The following CDH12 variants were observed in gnomAD, a reference collection of about 807,000 sequenced individuals.
CDH12 encodes the protein cadherin-12.
In CDH12, 41 loss-of-function variants were observed where a neutral mutation model predicts 74.1. The observed-to-expected ratio is 0.55, with a 90% confidence interval of 0.43 to 0.72. The LOEUF is 0.72. Ranked by LOEUF, CDH12 falls within the 30% of genes least tolerant of loss-of-function variation. CDH12 has a pLI of 0.00. For synonymous variants in CDH12, 399 were observed against 355.0 expected, an observed-to-expected ratio of 1.12 and a Z score of -1.39; for missense variants, 945 against 977.2, an observed-to-expected ratio of 0.97 and a Z score of 0.44.
intron 13 of CDH12, among the ~76,000 whole-genome samples, chr5:21,757,220 G>C (rs926009667): frequency 2.0e-5 from 3 of 152,036 alleles, no homozygotes; most frequent in African/African-American, 7.3e-5. Flanking sequence ...CTGTCGCCCA[G>C]GCTGGAGTAC....
intron 2 of CDH12, among the ~76,000 whole-genome samples, chr5:22,405,631 A>G (rs560015488): frequency 9.2e-5 from 14 of 152,322 alleles, no homozygotes; most frequent in Middle Eastern, 6.8e-3. Context: ...AATGGTTTAA[A>G]CAATAAATTT....
chr5:22,657,360 G>A (rs543545633), intron 1 of CDH12, among the ~76,000 whole-genome samples: 4 of 151,876 alleles, frequency 2.6e-5, no homozygotes, highest in African/African-American at 9.7e-5. Context: ...AAATCATCAG[G>A]GCTTCATTTA....
chr5:22,240,750 T>G (rs1752720264), intron 3 of CDH12, among the ~76,000 whole-genome samples: 1 of 152,050 alleles, frequency 6.6e-6, no homozygotes, highest in Non-Finnish European at 1.5e-5. Context: ...ACCAGGCTGG[T>G]CTCAAACTCC....
chr5:22,655,611 A>G (rs972211282), intron 1 of CDH12, among the ~76,000 whole-genome samples: 2 of 152,196 alleles, frequency 1.3e-5, no homozygotes, highest in African/African-American at 4.8e-5. Context: ...ACATAACATT[A>G]TTTTAAATAC....
At chr5:22,724,715 A>G (rs1744074368) in intron 1 of CDH12, among the ~76,000 whole-genome samples, 2 of 151,898 alleles carry the variant, frequency 1.3e-5, no homozygotes, top group African/African-American at 4.8e-5. Context: ...TGTTAAAGAT[A>G]TTGTTTTAAA....
chr5:22,286,473 G>A (rs1429303579), intron 3 of CDH12, among the ~76,000 whole-genome samples: 1 of 152,148 alleles, frequency 6.6e-6, no homozygotes, highest in East Asian at 1.9e-4. Flanking sequence ...TTAAAGGACA[G>A]CAGAGTCGGG....
At chr5:21,921,905 C>T (rs930354290) in intron 6 of CDH12, among the ~76,000 whole-genome samples, 1 of 152,172 alleles carries the variant, frequency 6.6e-6, no homozygotes, top group African/African-American at 2.4e-5. Context: ...CATTTCTTTG[C>T]ATTGCCTCAA....
At chr5:22,680,647 T>G (rs1741441099) in intron 1 of CDH12, among the ~76,000 whole-genome samples, 2 of 152,086 alleles carry the variant, frequency 1.3e-5, no homozygotes, top group Non-Finnish European at 1.5e-5. Context: ...GACAACCATA[T>G]TTGTATTATA....
intron 1 of CDH12, among the ~76,000 whole-genome samples, chr5:22,613,345 CCTT>C (rs1197363528): frequency 4.6e-5 from 7 of 151,878 alleles, no homozygotes; most frequent in African/African-American, 2.4e-5. Flanking sequence ...TTTAATGTGT[CCTT>C]ATTTAATCTT....
intron 4 of CDH12, among the ~76,000 whole-genome samples, chr5:22,138,845 AATATATATATATAT>A (rs67115449): frequency 0.012 from 902 of 76,584 alleles, 52 homozygotes; most frequent in African/African-American, 0.037. Context: ...ATATATACGT[AATATATATATATAT>A]ATATATATAT....
intron 1 of CDH12, among the ~76,000 whole-genome samples, chr5:22,553,714 G>C (rs532937894): frequency 2.6e-5 from 4 of 152,100 alleles, no homozygotes; most frequent in Non-Finnish European, 5.9e-5. Context: ...TTGATCTACA[G>C]CAGCAGTCCC....
At position 22,092,579 on chromosome 5, in the gene CDH12, A is replaced by T. The variant is rs115878682; in HGVS notation, c.-186-13717T>A. Among the ~76,000 whole-genome samples, 870 of 152,274 alleles carry T rather than the reference A, an allele frequency of 5.7e-3. 8 individuals carry two copies. Among genetic ancestry groups the T allele is most frequent in the African/African-American group, 0.02 (832 of 41,560 alleles). ...ACCACAGTGAAGATGGCTATAATAG[A>T]AAAATAACATAGTAACAAATGTTGA... On this transcript the variant is annotated intron_variant, in intron 4 of 14. Coordinates refer to ENST00000382254, the MANE Select transcript of CDH12 (RefSeq NM_004061.5).
At chr5:22,110,735 A>G (rs1215129034) in intron 4 of CDH12, among the ~76,000 whole-genome samples, 1 of 152,156 alleles carries the variant, frequency 6.6e-6, no homozygotes, top group Non-Finnish European at 1.5e-5. Context: ...GACCTTGGGA[A>G]TAATGTTTGG....
At chr5:21,776,773 G>A (rs1745612932) in intron 11 of CDH12, among the ~76,000 whole-genome samples, 1 of 152,132 alleles carries the variant, frequency 6.6e-6, no homozygotes, top group Admixed American at 6.5e-5. Flanking sequence ...GTCTACATTA[G>A]TTAATACGTC....
chr5:22,504,302 A>G (rs1372873205), intron 2 of CDH12, among the ~76,000 whole-genome samples: 1 of 152,014 alleles, frequency 6.6e-6, no homozygotes, highest in Non-Finnish European at 1.5e-5. Context: ...TTAATTGATA[A>G]TGTTTTAAAA....
At chr5:21,839,931 A>G (rs2149982967) in intron 8 of CDH12, among the ~76,000 whole-genome samples, 1 of 152,292 alleles carries the variant, frequency 6.6e-6, no homozygotes, top group South Asian at 2.1e-4. Flanking sequence ...ACAGAAAACT[A>G]AATGTAACAC....
chr5:22,161,135 T>C (rs928711705), intron 4 of CDH12, among the ~76,000 whole-genome samples: 3 of 152,156 alleles, frequency 2.0e-5, no homozygotes, highest in Non-Finnish European at 4.4e-5. Context: ...CATAGAAGCT[T>C]CACTATTCTC....
At chr5:21,791,585 AGTAG>A (rs2149908297) in intron 10 of CDH12, among the ~76,000 whole-genome samples, 1 of 151,978 alleles carries the variant, frequency 6.6e-6, no homozygotes, top group East Asian at 1.9e-4. Flanking sequence ...TTATTTGGTG[AGTAG>A]ATGGGATTTA....
intron 1 of CDH12, among the ~76,000 whole-genome samples, chr5:22,644,358 T>C (rs1011532301): frequency 6.6e-6 from 1 of 152,096 alleles, no homozygotes; most frequent in African/African-American, 2.4e-5. Context: ...AACAGCCTTA[T>C]TGCTAATACG....
Sources: allele counts gnomAD v4.1 joint callset (sites outside exome capture counted in the v4.1 genomes callset), GRCh38; gene constraint gnomAD v4.1.1; transcripts MANE v1.5; gene names NCBI Gene and HGNC (gene_info 2026-07-23, HGNC 2026-07-21).